The following ZBED6 variants were observed in gnomAD, a reference collection of about 807,000 sequenced individuals.
The protein encoded by ZBED6 is zinc finger BED-type containing 6.
ZBED6 carries 40 observed loss-of-function variants against 58.4 expected under a neutral mutation model. The observed-to-expected ratio is 0.68, with a 90% CI of 0.53 to 0.89. The LOEUF (loss-of-function observed/expected upper bound fraction) is 0.89. Among genes scored for constraint, ZBED6 ranks in the 40% least tolerant of loss-of-function variants. ZBED6 has a pLI of 0.00. For synonymous variants in ZBED6, 439 were observed against 350.6 expected, an observed-to-expected ratio of 1.25 and a Z score of -2.82; for missense variants, 1,057 against 1,003.9, an observed-to-expected ratio of 1.05 and a Z score of -0.71.
intron 9 of ZBED6, among the ~76,000 whole-genome samples, chr1:203,834,640 G>C (rs1269461531): frequency 6.6e-6 from 1 of 151,942 alleles, no homozygotes; most frequent in Non-Finnish European, 1.5e-5. Flanking sequence ...TAACGTGTCT[G>C]ACTCCAAAAA....
At chr1:203,799,664 C>T (rs1293004723) in exon 1 of ZBED6, 1 of 705,166 alleles carries the variant, frequency 1.4e-6, no homozygotes, top group Non-Finnish European at 2.6e-6. Flanking sequence ...AGGTGCTACC[C>T]CTAATCCATC....
At position 203,799,836 on chromosome 1, in the gene ZBED6, C is replaced by T. The variant is rs913057533; in HGVS notation, c.2314C>T (p.Pro772Ser). 6 of 1,513,500 alleles carry T rather than the reference C, an allele frequency of 4.0e-6. No homozygotes were observed. In the African/African-American group the frequency reaches 6.9e-5, roughly 17 times the overall value. 93.8% of individuals were successfully genotyped at this position (1,513,500 alleles called of 1,614,324 possible). The change falls in exon 1 of 17, where the codon CCT becomes TCT. Residue 772 changes from proline to serine, a missense_variant. Coordinates refer to ENST00000550078, the Ensembl canonical transcript of ZBED6. ...CTGTATCTTGGCTACTTTGTTAGAT[C>T]CTTGCTTTAAAAACAGTTTGGAAGA...
chr1:203,834,160 A>G, intron 9 of ZBED6: 3 of 831,378 alleles, frequency 3.6e-6, no homozygotes, highest in Non-Finnish European at 4.5e-6. Context: ...AGAGGCGAGA[A>G]AAATGATTGG....
At chr1:203,800,499 T>G in exon 1 of ZBED6, 1 of 1,450,492 alleles carries the variant, frequency 6.9e-7, no homozygotes, top group Non-Finnish European at 9.0e-7. Flanking sequence ...AACTTTTTGC[T>G]GTGTTACTGT....
In ZBED6 at chr1:203,821,845, C is replaced by A. The variant is rs191536562; in HGVS notation, c.*2873+3156C>A. On this transcript the variant is annotated intron_variant, in intron 3 of 16. Transcript: ENST00000550078. ...CGATCTCCGCTCACTGCAAGCTCCGCCTCATTGGTTCACACCATTCTCCTG... is the reference window on the plus strand; with the variant it reads ...CGATCTCCGCTCACTGCAAGCTCCGACTCATTGGTTCACACCATTCTCCTG... Among the ~76,000 whole-genome samples, 110 of 152,070 alleles carry A rather than the reference C, an allele frequency of 7.2e-4. 2 individuals are homozygous for A. The East Asian group carries it at 0.018, about 25-fold the overall frequency.
intron 11 of ZBED6, among the ~76,000 whole-genome samples, chr1:203,842,283 C>T (rs1176408131): frequency 2.0e-5 from 3 of 152,186 alleles, no homozygotes; most frequent in African/African-American, 4.8e-5. Flanking sequence ...GCCGAGATCA[C>T]GCCACTGCAC....
Position 203,829,204 on chromosome 1 carries a change from T to G in ZBED6, c.*2998-247T>G, listed in dbSNP as rs142151953. Reference sequence around the variant, plus strand: ...AATTTGTGAACAGGTACTATGCTTCTTCTAGTCTTCTGTTGATTCTGTTTT... The same window carrying G: ...AATTTGTGAACAGGTACTATGCTTCGTCTAGTCTTCTGTTGATTCTGTTTT... On this transcript the variant is annotated intron_variant, in intron 4 of 16. Coordinates refer to ENST00000550078, the Ensembl canonical transcript of ZBED6. The G allele has an allele frequency of 8.1e-4, 444 of 549,532 alleles. 1 individual carries two copies. Among genetic ancestry groups the G allele is most frequent in the African/African-American group, 7.4e-3 (395 of 53,120 alleles). The allele number at this position is 549,532 out of a possible 1,614,324, so 34.0% of individuals were successfully genotyped here.
chr1:203,810,671 G>A (rs1183069759), intron 1 of ZBED6, among the ~76,000 whole-genome samples: 1 of 151,892 alleles, frequency 6.6e-6, no homozygotes, highest in Non-Finnish European at 1.5e-5. Context: ...CACCCGCCTC[G>A]GACTCCCAAA....
intron 1 of ZBED6, among the ~76,000 whole-genome samples, chr1:203,810,581 A>G (rs923305230): frequency 5.3e-5 from 8 of 151,734 alleles, no homozygotes; most frequent in African/African-American, 1.5e-4. Context: ...CACCACGCCC[A>G]GCTAATTTTT....
chr1:203,841,598 C>G (rs1490414964), intron 11 of ZBED6, among the ~76,000 whole-genome samples: 1 of 152,238 alleles, frequency 6.6e-6, no homozygotes, highest in Admixed American at 6.5e-5. Context: ...TTTCTTTTCC[C>G]CACATTTCCC....
At chr1:203,832,549 C>T (rs1488633725) in intron 8 of ZBED6, among the ~76,000 whole-genome samples, 1 of 152,034 alleles carries the variant, frequency 6.6e-6, no homozygotes, top group African/African-American at 2.4e-5. Context: ...TTGGTAGAAA[C>T]GGGGTTTCAC....
chr1:203,838,972 AAAAG>A (rs1558133942), intron 10 of ZBED6, among the ~76,000 whole-genome samples: 5 of 151,344 alleles, frequency 3.3e-5, no homozygotes, highest in Admixed American at 6.6e-5. Context: ...AAAAAAAAAA[AAAAG>A]AAAGAAAGAA....
At chr1:203,816,259 G>A (rs1310896677) in intron 1 of ZBED6, among the ~76,000 whole-genome samples, 3 of 152,094 alleles carry the variant, frequency 2.0e-5, no homozygotes, top group Non-Finnish European at 2.9e-5. Context: ...AATCTAAAAT[G>A]TATGTAGTCT....
chr1:203,838,092 G>C (rs776383434), intron 10 of ZBED6, 28 bp downstream of exon 10: 14 of 1,598,838 alleles, frequency 8.8e-6, no homozygotes, highest in Middle Eastern at 1.7e-4. Context: ...TACTTTGTGT[G>C]TGTATGTAAT....
At chr1:203,823,778 A>G (rs890411165) in intron 3 of ZBED6, among the ~76,000 whole-genome samples, 1 of 152,250 alleles carries the variant, frequency 6.6e-6, no homozygotes, top group African/African-American at 2.4e-5. Flanking sequence ...TGCTTATTGT[A>G]GCAATTTGTA....
chr1:203,797,738 G>A (rs1473103958), exon 1 of ZBED6: 1 of 1,535,712 alleles, frequency 6.5e-7, no homozygotes, highest in Non-Finnish European at 8.7e-7. Context: ...GAATTAAGGG[G>A]AAAAGGCGTC....
intron 8 of ZBED6, 144 bp downstream of exon 8, chr1:203,831,915 G>T: frequency 6.2e-6 from 4 of 649,674 alleles, no homozygotes; most frequent in South Asian, 4.4e-5. Context: ...TGAAAAGTTG[G>T]TACATTCAAC....
intron 3 of ZBED6, among the ~76,000 whole-genome samples, chr1:203,819,894 A>G (rs1677930089): frequency 6.6e-6 from 1 of 151,756 alleles, no homozygotes; most frequent in Admixed American, 6.6e-5. Context: ...TAATCCTTTG[A>G]TCTCACTCAA....
exon 4 of ZBED6, chr1:203,828,352 A>G: frequency 6.2e-7 from 1 of 1,614,126 alleles, no homozygotes; most frequent in East Asian, 2.2e-5. Context: ...CAGGATGTCA[A>G]AAATTAAACT....
Sources: allele counts gnomAD v4.1 joint callset (sites outside exome capture counted in the v4.1 genomes callset), GRCh38; gene constraint gnomAD v4.1.1; transcripts MANE v1.5; gene names NCBI Gene and HGNC (gene_info 2026-07-23, HGNC 2026-07-21).